SRGAP1: variants seen among roughly 807,000 people sequenced by gnomAD.
SRGAP1 encodes SLIT-ROBO Rho GTPase-activating protein 1.
A neutral mutation model predicts 121.9 loss-of-function variants in SRGAP1; 43 were observed. That is an observed-to-expected ratio of 0.35 (90% CI 0.28 to 0.46). The LOEUF is 0.46. Ranked by LOEUF, SRGAP1 falls within the 20% of genes least tolerant of loss-of-function variation. SRGAP1 has a pLI of 1.00. For synonymous variants in SRGAP1, 447 were observed against 485.4 expected, an observed-to-expected ratio of 0.92 and a Z score of 1.04; for missense variants, 1,102 against 1,350.9, an observed-to-expected ratio of 0.82 and a Z score of 2.89.
chr12:63,972,244 G>A (rs923386416), intron 1 of SRGAP1, among the ~76,000 whole-genome samples: 4 of 152,172 alleles, frequency 2.6e-5, no homozygotes, highest in African/African-American at 4.8e-5. Flanking sequence ...GAAATGATCA[G>A]TGTTTCCTTT....
intron 6 of SRGAP1, among the ~76,000 whole-genome samples, chr12:64,062,354 A>G (rs921891803): frequency 1.3e-5 from 2 of 152,196 alleles, no homozygotes; most frequent in Non-Finnish European, 2.9e-5. Context: ...AGACATGTCT[A>G]TTCAGATTCA....
intron 1 of SRGAP1, among the ~76,000 whole-genome samples, chr12:63,966,147 A>G (rs1435637195): frequency 1.3e-5 from 2 of 152,210 alleles, no homozygotes; most frequent in African/African-American, 4.8e-5. Flanking sequence ...AGGCATAATC[A>G]CTACCCCAAA....
At chr12:63,898,032 G>T (rs1900811239) in intron 1 of SRGAP1, among the ~76,000 whole-genome samples, 1 of 152,214 alleles carries the variant, frequency 6.6e-6, no homozygotes, top group South Asian at 2.1e-4. Flanking sequence ...ACTGTGATAA[G>T]AAAGCAGAGC....
chr12:64,019,198 G>A (rs532615925), intron 4 of SRGAP1, among the ~76,000 whole-genome samples: 5 of 152,162 alleles, frequency 3.3e-5, no homozygotes, highest in Non-Finnish European at 5.9e-5. Flanking sequence ...TTATCTCAGT[G>A]AGAGATATAT....
chr12:64,161,150 T>A lies in SRGAP1; in HGVS notation c.*18478T>A, dbSNP rs576125666. 2.6e-5 allele frequency: 4 copies of A among 152,226 alleles called. No individual in the cohort carries two copies. Among genetic ancestry groups the A allele is most frequent in the African/African-American group, 9.6e-5 (4 of 41,468 alleles). The allele number at this position is 152,226 out of a possible 1,614,324, so 9.4% of individuals were successfully genotyped here. On this transcript the variant is annotated 3_prime_UTR_variant, in exon 22 of 22. Transcript: ENST00000355086. ...TTTATTTCATTTGCTTAGCTTTCTA[T>A]GTACATAAGTAGATAAAAATTAATT...
intron 8 of SRGAP1, among the ~76,000 whole-genome samples, chr12:64,076,687 C>T (rs2035744048): frequency 6.6e-6 from 1 of 151,766 alleles, no homozygotes; most frequent in Admixed American, 6.6e-5. Flanking sequence ...CACTTTTTCG[C>T]CCAGGCTGGA....
At chr12:63,981,184 C>T (rs949055570) in intron 1 of SRGAP1, among the ~76,000 whole-genome samples, 1 of 152,106 alleles carries the variant, frequency 6.6e-6, no homozygotes, top group African/African-American at 2.4e-5. Flanking sequence ...ATTGTTAAAT[C>T]CATCATTCTC....
intron 3 of SRGAP1, among the ~76,000 whole-genome samples, chr12:63,995,875 GA>G (rs555300587): frequency 6.7e-5 from 10 of 148,688 alleles, no homozygotes; most frequent in African/African-American, 2.0e-4. Context: ...ACCCCAACAT[GA>G]AAAAAAAAGC....
chr12:63,961,784 G>A (rs949589436), intron 1 of SRGAP1, among the ~76,000 whole-genome samples: 2 of 152,180 alleles, frequency 1.3e-5, no homozygotes, highest in African/African-American at 4.8e-5. Context: ...GAGCTGATTC[G>A]TCAATAAATA....
intron 3 of SRGAP1, among the ~76,000 whole-genome samples, chr12:64,000,405 T>C (rs201026536): frequency 2.0e-5 from 3 of 151,908 alleles, no homozygotes; most frequent in East Asian, 1.9e-4. Flanking sequence ...AACCAGGAGT[T>C]CAAGACCAGC....
rs190305488 is a variant in SRGAP1, at chr12:63,947,716, A to G, written c.68-36231A>G. On this transcript the variant is annotated intron_variant, in intron 1 of 21. Coordinates refer to ENST00000355086, the MANE Select transcript of SRGAP1 (RefSeq NM_020762.4). Reference sequence around the variant, plus strand: ...TAAGTCTTGAAATCAGGTAGTATATAAATCCTTCAACTTTTTAATCTTTCT... The same window carrying G: ...TAAGTCTTGAAATCAGGTAGTATATGAATCCTTCAACTTTTTAATCTTTCT... 4.9e-4 allele frequency among the ~76,000 whole-genome samples: 75 copies of G among 152,304 alleles called. 1 individual carries two copies. The highest frequency in any genetic ancestry group is 2.3e-3 in the East Asian group (12 of 5,186).
intron 1 of SRGAP1, among the ~76,000 whole-genome samples, chr12:63,969,137 A>G (rs2032865853): frequency 1.3e-5 from 2 of 152,240 alleles, no homozygotes; most frequent in East Asian, 1.9e-4. Flanking sequence ...AGGTGCCAAG[A>G]TAATTAAGCT....
At chr12:64,089,279 GC>G (rs1334844341) in intron 11 of SRGAP1, among the ~76,000 whole-genome samples, 1 of 152,140 alleles carries the variant, frequency 6.6e-6, no homozygotes, top group Non-Finnish European at 1.5e-5. Context: ...ATTCCAACTA[GC>G]CTATTCTAAA....
At chr12:63,946,353 G>A (rs2032047322) in intron 1 of SRGAP1, among the ~76,000 whole-genome samples, 1 of 145,738 alleles carries the variant, frequency 6.9e-6, no homozygotes, top group Non-Finnish European at 1.5e-5. Context: ...TATATTTAAA[G>A]TGTACAATTT....
chr12:63,977,390 G>A (rs558054110), intron 1 of SRGAP1, among the ~76,000 whole-genome samples: 47 of 152,142 alleles, frequency 3.1e-4, no homozygotes, highest in Non-Finnish European at 6.6e-4. Context: ...CTTTAGAAAT[G>A]TTATTATATT....
intron 3 of SRGAP1, among the ~76,000 whole-genome samples, chr12:64,008,513 T>G (rs1193214477): frequency 6.6e-6 from 1 of 152,204 alleles, no homozygotes; most frequent in Non-Finnish European, 1.5e-5. Flanking sequence ...TTTTTAAAGA[T>G]CAATTACTTT....
chr12:64,018,955 G>A lies in SRGAP1; in HGVS notation c.489+1943G>A, dbSNP rs1464867203. The stretch of plus-strand genomic sequence containing the variant: ...GTCGTCTTCCATTGAACTCTTTTAA[G>A]ATGAGGACATTGTGGCACTTTCCTT... On this transcript the variant is annotated intron_variant, in intron 4 of 21. Coordinates refer to ENST00000355086, the MANE Select transcript of SRGAP1 (RefSeq NM_020762.4). Among the ~76,000 whole-genome samples, 4 of 152,288 alleles carry A rather than the reference G, an allele frequency of 2.6e-5. No individual in the cohort carries two copies. The South Asian group carries it at 8.3e-4, about 32-fold the overall frequency.
intron 1 of SRGAP1, among the ~76,000 whole-genome samples, chr12:63,846,042 A>G (rs998885763): frequency 6.6e-6 from 1 of 152,132 alleles, no homozygotes; most frequent in Non-Finnish European, 1.5e-5. Context: ...CAGTGTGAAT[A>G]CAGACCAACT....
intron 6 of SRGAP1, among the ~76,000 whole-genome samples, chr12:64,061,771 C>T (rs754892465): frequency 2.6e-5 from 4 of 152,308 alleles, no homozygotes; most frequent in East Asian, 1.9e-4. Context: ...CTGAACATTT[C>T]GTGTCAATAA....
Sources: gnomAD v4.1 joint callset for allele counts (sites outside exome capture counted in the v4.1 genomes callset) on GRCh38, gnomAD v4.1.1 for gene constraint, MANE v1.5 for transcripts, NCBI Gene and HGNC (gene_info 2026-07-23, HGNC 2026-07-21) for gene names.